The following HMCN2 variants were observed in gnomAD, a reference collection of about 807,000 sequenced individuals.
HMCN2 encodes the protein hemicentin-2.
Under a neutral mutation model 377.5 loss-of-function variants are expected in HMCN2, and 325 were observed. The observed-to-expected ratio is 0.86, with a 90% CI of 0.79 to 0.94. The LOEUF (loss-of-function observed/expected upper bound fraction) is 0.94, where lower values mean the gene tolerates loss of function less well. HMCN2 is among the 40% of genes least tolerant of loss of function. The pLI is 0.00. For synonymous variants in HMCN2, 2,007 were observed against 2,046.8 expected, an observed-to-expected ratio of 0.98 and a Z score of 0.53; for missense variants, 4,543 against 4,725.3, an observed-to-expected ratio of 0.96 and a Z score of 1.13.
At chr9:130,348,128 T>C in intron 26 of HMCN2, 1 of 768,924 alleles carries the variant, frequency 1.3e-6, no homozygotes, top group African/African-American at 1.9e-5. Flanking sequence ...ACCTGCTGCT[T>C]CCCCAGGACC....
Position 130,357,972 on chromosome 9 carries a change from T to C in HMCN2, c.5564T>C (p.Phe1855Ser). The C allele has an allele frequency of 3.1e-6, 4 of 1,303,986 alleles. No homozygotes were observed. The highest frequency in any genetic ancestry group is 4.0e-6 in the Non-Finnish European group (4 of 988,834). 80.8% of individuals were successfully genotyped at this position (1,303,986 alleles called of 1,614,324 possible). ...AAGGATGGTGTAGCCCTGGCAGCCT[T>C]TGGGGGGAACCTACAGGTATGTGCA... ...WWKDGVALAA[F>S]GGNLQIEKVD... The change falls in exon 35 of 98, where the codon TTT (phenylalanine) becomes TCT (serine). Residue 1855 changes from phenylalanine to serine, a missense_variant. Around this residue, in one of 5 missense-constraint regions of HMCN2, gnomAD observed 1,032 missense variants for 1,285.1 expected, o/e 0.80. Transcript: ENST00000683500.
chr9:130,421,698 C>T (rs529755356), intron 86 of HMCN2, among the ~76,000 whole-genome samples: 4 of 152,324 alleles, frequency 2.6e-5, no homozygotes, highest in Admixed American at 2.0e-4. Context: ...CCCAGAGCAT[C>T]GGATACTGAT....
intron 29 of HMCN2, among the ~76,000 whole-genome samples, chr9:130,350,465 G>T (rs1165010406): frequency 6.6e-6 from 1 of 150,874 alleles, no homozygotes; most frequent in Non-Finnish European, 1.5e-5. Flanking sequence ...GCTGAGGCAA[G>T]AGAATCACTT....
intron 39 of HMCN2, among the ~76,000 whole-genome samples, chr9:130,362,455 C>T (rs1840437989): frequency 6.6e-6 from 1 of 152,184 alleles, no homozygotes; most frequent in South Asian, 2.1e-4. Context: ...TTAGTTAATC[C>T]AATATATCCA....
chr9:130,406,558 T>C, intron 82 of HMCN2: 2 of 234,856 alleles, frequency 8.5e-6, no homozygotes, highest in South Asian at 1.2e-4. Context: ...ACAGGGCCTG[T>C]GGAGTACCTG....
intron 25 of HMCN2, among the ~76,000 whole-genome samples, chr9:130,344,818 TG>T (rs1839257033): frequency 6.7e-6 from 1 of 149,352 alleles, no homozygotes; most frequent in South Asian, 2.2e-4. Context: ...ATGTGGTATG[TG>T]GTGTTTGGTG....
At chr9:130,292,919 T>C (rs1381949785) in intron 4 of HMCN2, among the ~76,000 whole-genome samples, 2 of 152,180 alleles carry the variant, frequency 1.3e-5, no homozygotes, top group African/African-American at 2.4e-5. Flanking sequence ...ATCATTGTTA[T>C]TGAAACTTTG....
At chr9:130,425,946 C>A (rs1844327241) in intron 90 of HMCN2, 22 bp downstream of exon 90, 3 of 1,515,548 alleles carry the variant, frequency 2.0e-6, no homozygotes, top group Non-Finnish European at 2.7e-6. Context: ...CTGCTTTGTT[C>A]CACCCCCACT....
At position 130,393,106 on chromosome 9, in the gene HMCN2, G is replaced by T; in HGVS notation, c.10137-106G>T. On this transcript the variant is annotated intron_variant, in intron 66 of 97. Transcript: ENST00000683500. The surrounding 1 kb of genome is among the most constrained non-coding windows in gnomAD (Gnocchi z 5.2). ...TGGGAGACAAAGGTTGGAAAAGGGA[G>T]GAAGTCTTTCCACGCAGCCAGCCTC... The T allele has an allele frequency of 1.4e-6, 1 of 696,408 alleles. No homozygotes were observed. Among genetic ancestry groups the T allele is most frequent in the Non-Finnish European group, 1.8e-6 (1 of 564,538 alleles). The allele number at this position is 696,408 out of a possible 1,614,324, so 43.1% of individuals were successfully genotyped here.
chr9:130,362,266 C>T (rs368122754), intron 39 of HMCN2, 101 bp downstream of exon 39: 21 of 824,808 alleles, frequency 2.5e-5, no homozygotes, highest in South Asian at 1.7e-4. Flanking sequence ...GGAGAAGCAG[C>T]GATAGCCCAG....
chr9:130,358,534 T>A, intron 36 of HMCN2, 48 bp downstream of exon 36: 1 of 1,303,630 alleles, frequency 7.7e-7, no homozygotes, highest in Non-Finnish European at 1.0e-6. Flanking sequence ...TGTTGGGTGA[T>A]CCCTTGGGGA....
At position 130,308,833 on chromosome 9, in the gene HMCN2, G is replaced by T. The variant is rs1461262753; in HGVS notation, c.2201-1079G>T. ...GTGGACGCTATTCTAGGTGAAGTCAGCCAGACACAAAAAGACAAATACTCT... is the reference window on the plus strand; with the variant it reads ...GTGGACGCTATTCTAGGTGAAGTCATCCAGACACAAAAAGACAAATACTCT... On this transcript the variant is annotated intron_variant, in intron 14 of 97. Coordinates refer to ENST00000683500, the MANE Select transcript of HMCN2 (RefSeq NM_001291815.2). This position sits in a 1 kb window ranked among gnomAD's most constrained non-coding sequence, Gnocchi z 4.1. 6.6e-6 allele frequency among the ~76,000 whole-genome samples: 1 copy of T among 152,266 alleles called. No homozygotes were observed. Among genetic ancestry groups the T allele is most frequent in the Admixed American group, 6.5e-5 (1 of 15,290 alleles).
Position 130,360,795 on chromosome 9 carries a change from A to C in HMCN2, c.5950+191A>C, listed in dbSNP as rs141965392. On this transcript the variant is annotated intron_variant, in intron 38 of 97. Transcript: ENST00000683500. This position sits in a 1 kb window ranked among gnomAD's most constrained non-coding sequence, Gnocchi z 4.7. ...ATCCATCCATCCATCCATCCCACCC[A>C]TCCATCCACCCATCCACCCCTCCAT... Among the ~76,000 whole-genome samples, 1,540 of 144,196 alleles carry C rather than the reference A, an allele frequency of 0.011. 8 individuals are homozygous for C. The highest frequency in any genetic ancestry group is 0.016 in the Non-Finnish European group (1,053 of 66,242). The allele number at this position is 144,196 out of a possible 152,430, so 94.6% of individuals were successfully genotyped here.
chr9:130,338,620 T>TG (rs1328014687), intron 23 of HMCN2: 18,921 of 152,318 alleles, frequency 0.12, 2,012 homozygotes, highest in African/African-American at 0.28. Flanking sequence ...CCCAGCCTGG[T>TG]GGGGGGTCCC....
chr9:130,363,748 G>A (rs745569982), intron 40 of HMCN2, among the ~76,000 whole-genome samples: 1 of 151,540 alleles, frequency 6.6e-6, no homozygotes, highest in Non-Finnish European at 1.5e-5. Context: ...ACTTGAACCT[G>A]GGAGGTAGAG....
Position 130,349,005 on chromosome 9 carries a change from C to G in HMCN2, c.4177C>G (p.Arg1393Gly). The G allele has an allele frequency of 7.7e-7, 1 of 1,304,152 alleles. No homozygotes were observed. Among genetic ancestry groups the G allele is most frequent in the Non-Finnish European group, 1.0e-6 (1 of 988,908 alleles). 80.8% of individuals were successfully genotyped at this position (1,304,152 alleles called of 1,614,324 possible). Residue 1393 changes from arginine to glycine, a missense_variant, in exon 28 of 98, where the codon CGC becomes GGC. Arg to Gly is a moderately radical substitution (Grantham distance 125). This residue lies in a region of HMCN2 where 1,032 missense variants were observed against 1,285.1 expected (regional missense o/e 0.80). Coordinates refer to ENST00000683500, the MANE Select transcript of HMCN2 (RefSeq NM_001291815.2). ...CCAGATTCCTAAGGTGGGCGGCCAC[C>G]GCCTCCTGGACGAGGGCCAGTCCCT... ...AQLIPKVGGHRLLDEGQSLHF... is the reference protein window; with the variant it reads ...AQLIPKVGGHGLLDEGQSLHF...
intron 5 of HMCN2, 102 bp downstream of exon 5, chr9:130,295,128 A>G (rs1554931550): frequency 9.8e-6 from 3 of 304,894 alleles, no homozygotes; most frequent in African/African-American, 4.5e-5. Flanking sequence ...GGCTTCAGAC[A>G]TGAGGCTCCA....
Position 130,393,720 on chromosome 9 carries a change from C to T in HMCN2, c.10235-22C>T. 7 of 1,213,734 alleles carry T rather than the reference C, an allele frequency of 5.8e-6. No homozygotes were observed. Among genetic ancestry groups the T allele is most frequent in the Middle Eastern group, 2.3e-4 (1 of 4,310 alleles). 75.2% of individuals were successfully genotyped at this position (1,213,734 alleles called of 1,614,324 possible). On this transcript the variant is annotated intron_variant, in intron 67 of 97. Coordinates refer to ENST00000683500, the MANE Select transcript of HMCN2 (RefSeq NM_001291815.2). This position sits in a 1 kb window ranked among gnomAD's most constrained non-coding sequence, Gnocchi z 5.2. ...GAGTCCTGGAATAAAATGGTTCCTG[C>T]CCACCTTTCTGCCCTCCATAGTGCC... is the stretch of plus-strand genomic sequence containing the variant.
rs782157112 is a variant in HMCN2, at chr9:130,308,504, C to T, written c.2200+938C>T. ...GCTGGGCTCCCTCTCGAGGGTCAAC[C>T]GGGGTCAGCAATACTGTCCCCTCCC... is the stretch of plus-strand genomic sequence containing the variant. On this transcript the variant is annotated intron_variant, in intron 14 of 97. Coordinates refer to ENST00000683500, the MANE Select transcript of HMCN2 (RefSeq NM_001291815.2). This position sits in a 1 kb window ranked among gnomAD's most constrained non-coding sequence, Gnocchi z 4.1. Among the ~76,000 whole-genome samples, 7 of 152,130 alleles carry T rather than the reference C, an allele frequency of 4.6e-5. No individual in the cohort carries two copies. Among genetic ancestry groups the T allele is most frequent in the African/African-American group, 9.7e-5 (4 of 41,422 alleles).
Sources: gnomAD v4.1 joint callset for allele counts (sites outside exome capture counted in the v4.1 genomes callset) on GRCh38, gnomAD v4.1.1 for gene constraint, gnomAD v4.1.1 regional missense constraint, Gnocchi (gnomAD v3.1) non-coding constraint, MANE v1.5 for transcripts, NCBI Gene and HGNC (gene_info 2026-07-23, HGNC 2026-07-21) for gene names.